PANX2: variants seen among roughly 807,000 people sequenced by gnomAD.
PANX2 encodes the protein pannexin 2, also known as pannexin-2.
A neutral mutation model predicts 38.7 loss-of-function variants in PANX2; 30 were observed. The observed-to-expected ratio is 0.78, with a 90% CI of 0.58 to 1.05. The LOEUF is 1.05. PANX2 is among the 50% of genes least tolerant of loss of function. The pLI is 0.00. For missense variants in PANX2, 880 were observed against 979.3 expected, an observed-to-expected ratio of 0.90 and a Z score of 1.35; for synonymous variants, 539 against 472.1, an observed-to-expected ratio of 1.14 and a Z score of -1.84.
intron 1 of PANX2, among the ~76,000 whole-genome samples, chr22:50,175,690 G>A (rs2063657584): frequency 1.3e-5 from 2 of 152,144 alleles, no homozygotes; most frequent in Admixed American, 1.3e-4. Flanking sequence ...TGACTCATGG[G>A]AACCCTCCCT....
intron 1 of PANX2, among the ~76,000 whole-genome samples, chr22:50,172,464 G>T (rs1457612610): frequency 6.6e-6 from 1 of 151,998 alleles, no homozygotes; most frequent in Non-Finnish European, 1.5e-5. Flanking sequence ...CAGAGTCTTG[G>T]TATGTCGCCC....
chr22:50,174,385 G>A (rs1369178358), intron 1 of PANX2, among the ~76,000 whole-genome samples: 1 of 152,194 alleles, frequency 6.6e-6, no homozygotes, highest in Non-Finnish European at 1.5e-5. Context: ...TCGGGTCCTG[G>A]GGACGGCATT....
chr22:50,175,355 A>G (rs2063656212), intron 1 of PANX2: 1 of 680,110 alleles, frequency 1.5e-6, no homozygotes, highest in East Asian at 8.3e-5. Flanking sequence ...TTGGCCACAC[A>G]TGCCCAGCAA....
chr22:50,178,979 C>G lies in PANX2; in HGVS notation c.1736C>G (p.Ala579Gly), dbSNP rs763029444. The change falls in exon 3 of 3, where the codon GCC (alanine) becomes GGC (glycine). Residue 579 changes from alanine to glycine, a missense_variant. Ala to Gly is a moderately conservative substitution (Grantham distance 60). Coordinates refer to ENST00000395842, the MANE Select transcript of PANX2 (RefSeq NM_052839.4). ...GAAATCCCGTACCCCACAGAGCCAG[C>G]CCGGGCAGGGCTTCCCTCGGGGGGC... ...EKEIPYPTEP[A>G]RAGLPSGGPF... 4.4e-6 allele frequency: 7 copies of G among 1,605,252 alleles called. No individual in the cohort carries two copies. Among genetic ancestry groups the G allele is most frequent in the Admixed American group, 3.4e-5 (2 of 59,374 alleles).
intron 2 of PANX2, 32 bp from the exon 3 acceptor site, chr22:50,178,902 T>C (rs1350934194): frequency 6.6e-7 from 1 of 1,514,358 alleles, no homozygotes; most frequent in Non-Finnish European, 8.9e-7. Context: ...CGGAGGATGG[T>C]GTGAGATGTC....
At position 50,178,195 on chromosome 22, in the gene PANX2, C is replaced by A; in HGVS notation, c.1483C>A (p.Pro495Thr). The A allele has an allele frequency of 6.9e-7, 1 of 1,455,878 alleles. No homozygotes were observed. The highest frequency in any genetic ancestry group is 9.0e-7 in the Non-Finnish European group (1 of 1,114,726). The allele number at this position is 1,455,878 out of a possible 1,614,324, so 90.2% of individuals were successfully genotyped here. A position where few individuals can be genotyped will look rare whatever the true frequency, so the allele number is the denominator to read the frequency against. ...CGGAGGGGGCGACCCGGGCCCCGGCCCCGCCCCTGCCCCCGCCCCGCCGCC... is the reference window on the plus strand; with the variant it reads ...CGGAGGGGGCGACCCGGGCCCCGGCACCGCCCCTGCCCCCGCCCCGCCGCC... The part of the protein sequence containing the change: ...KGGGGDPGPG[P>T]APAPAPPPAP... The change falls in exon 2 of 3, where the codon CCC (proline) becomes ACC (threonine). Residue 495 changes from proline to threonine, a missense_variant. By Grantham distance (38) the Pro-to-Thr change is conservative. This residue lies in a region of PANX2 where 445 missense variants were observed against 404.3 expected (regional missense o/e 1.10). Coordinates refer to ENST00000395842, the MANE Select transcript of PANX2 (RefSeq NM_052839.4).
At position 50,177,045 on chromosome 22, in the gene PANX2, C is replaced by A. The variant is rs1229760300; in HGVS notation, c.333C>A (p.Asp111Glu). The change falls in exon 2 of 3, where the codon GAC (aspartate) becomes GAA (glutamate). Residue 111 changes from aspartate to glutamate, a missense_variant. Physicochemically the swap from Asp to Glu is conservative, Grantham distance 45. Around this residue, in one of 4 missense-constraint regions of PANX2, gnomAD observed 243 missense variants for 333.1 expected, o/e 0.73. Transcript: ENST00000395842. ...TGCGGGACGCGCTGCCCGGCGTGGA[C>A]GCCAGCCTGTGGCCGTCGCTGTTTG... Reference protein sequence around the residue: ...TELRDALPGVDASLWPSLFEH... With the variant: ...TELRDALPGVEASLWPSLFEH... The A allele has an allele frequency of 6.2e-7, 1 of 1,608,300 alleles. No homozygotes were observed. Among genetic ancestry groups the A allele is most frequent in the Non-Finnish European group, 8.5e-7 (1 of 1,178,564 alleles).
Position 50,177,847 on chromosome 22 carries a change from G to A in PANX2, c.1135G>A (p.Val379Ile). Residue 379 changes from valine (V) to isoleucine (I), a missense_variant, in exon 2 of 3, where the codon GTC becomes ATC. Transcript: ENST00000395842. The part of the protein sequence containing the change: ...NESDLMYDNV[V>I]RQLLAALAQS... ...GAGCGACCTCATGTACGACAACGTG[G>A]TCCGGCAGCTGCTGGCGGCGCTGGC... 6.3e-7 allele frequency: 1 copy of A among 1,590,408 alleles called. No individual in the cohort carries two copies. The highest frequency in any genetic ancestry group is 8.5e-7 in the Non-Finnish European group (1 of 1,175,064).
chr22:50,176,210 C>A (rs2063660392), intron 1 of PANX2, among the ~76,000 whole-genome samples: 1 of 152,284 alleles, frequency 6.6e-6, no homozygotes, highest in South Asian at 2.1e-4. Context: ...GTCATTGTCA[C>A]CTGCAGGCAG....
Position 50,177,446 on chromosome 22 carries a change from T to C in PANX2, c.734T>C (p.Leu245Pro), listed in dbSNP as rs2063668447. 3 of 1,608,644 alleles carry C rather than the reference T, an allele frequency of 1.9e-6. No homozygotes were observed. The highest frequency in any genetic ancestry group is 2.5e-6 in the Non-Finnish European group (3 of 1,178,206). ...CTGAGCGCCGTGCCCATCTCCTACC[T>C]GTGCACCTACTACGCCACGCAGAAG... ...LLLSAVPISY[L>P]CTYYATQKQN... The change falls in exon 2 of 3, where the codon CTG (leucine) becomes CCG (proline). Residue 245 changes from leucine to proline, a missense_variant. Physicochemically the swap from Leu to Pro is moderately conservative, Grantham distance 98. This residue lies in a region of PANX2 where 114 missense variants were observed against 108.8 expected (regional missense o/e 1.05). Transcript: ENST00000395842.
chr22:50,172,671 C>T (rs2063638573), intron 1 of PANX2, among the ~76,000 whole-genome samples: 1 of 152,150 alleles, frequency 6.6e-6, no homozygotes, highest in Non-Finnish European at 1.5e-5. Flanking sequence ...TCCCAAAGTG[C>T]TGGGACTACA....
At position 50,179,309 on chromosome 22, in the gene PANX2, C is replaced by T. The variant is rs200460083; in HGVS notation, c.*32C>T. 196 of 1,583,408 alleles carry T rather than the reference C, an allele frequency of 1.2e-4. No homozygotes were observed. Among genetic ancestry groups the T allele is most frequent in the Admixed American group, 1.0e-4 (6 of 58,908 alleles). On this transcript the variant is annotated 3_prime_UTR_variant, in exon 3 of 3. Transcript: ENST00000395842. ...GCACCGTCCAGGCCGCCGAGAGCCC[C>T]TCTGCCTGTGTCGTGTGGCCTGGCC...
chr22:50,178,649 C>G (rs140328537), intron 2 of PANX2, among the ~76,000 whole-genome samples: 44 of 152,348 alleles, frequency 2.9e-4, no homozygotes, highest in Non-Finnish European at 6.0e-4. Flanking sequence ...GGGGAAGATG[C>G]AGGCTGGAAG....
chr22:50,176,027 G>C (rs554938410), intron 1 of PANX2, among the ~76,000 whole-genome samples: 10 of 152,336 alleles, frequency 6.6e-5, no homozygotes, highest in African/African-American at 2.4e-4. Context: ...GGCTGAGGCT[G>C]GTGTGGGCCT....
At chr22:50,174,730 C>G (rs545526621) in intron 1 of PANX2, among the ~76,000 whole-genome samples, 146 of 152,326 alleles carry the variant, frequency 9.6e-4, no homozygotes, top group African/African-American at 3.4e-3. Context: ...AGGAGGGCCT[C>G]GGACAGAGGA....
At position 50,179,419 on chromosome 22, in the gene PANX2, CTGGGGCCTTCGCCCCCACG is replaced by C; in HGVS notation, c.*145_*163del. 1.3e-6 allele frequency: 1 copy of C among 750,696 alleles called. No individual in the cohort carries two copies. Among genetic ancestry groups the C allele is most frequent in the South Asian group, 1.8e-5 (1 of 54,930 alleles). The allele number at this position is 750,696 out of a possible 1,614,324, so 46.5% of individuals were successfully genotyped here. A position where few individuals can be genotyped will look rare whatever the true frequency, so the allele number is the denominator to read the frequency against. On this transcript the variant is annotated 3_prime_UTR_variant, in exon 3 of 3. Coordinates refer to ENST00000395842, the MANE Select transcript of PANX2 (RefSeq NM_052839.4). ...GCATCCCCAACCTCTGTCCGCATGC[CTGGGGCCTTCGCCCCCACG>C]TGCTCGACAGGGGAACCCGCCCGGA...
In PANX2 at chr22:50,177,523, G is replaced by A; in HGVS notation, c.811G>A (p.Ala271Thr). The A allele has an allele frequency of 6.2e-7, 1 of 1,609,658 alleles. No homozygotes were observed. Among genetic ancestry groups the A allele is most frequent in the Non-Finnish European group, 8.5e-7 (1 of 1,178,438 alleles). Reference protein sequence around the residue: ...LGASPDGAAGAGPAVRVSCKL... With the variant: ...LGASPDGAAGTGPAVRVSCKL... ...CGCGTCCCCGGACGGGGCGGCAGGT[G>A]CGGGGCCCGCGGTGCGCGTGAGCTG... Residue 271 changes from alanine (A) to threonine (T), a missense_variant, in exon 2 of 3, where the codon GCG (alanine) becomes ACG (threonine). Coordinates refer to ENST00000395842, the MANE Select transcript of PANX2 (RefSeq NM_052839.4).
At chr22:50,172,797 C>T (rs565814720) in intron 1 of PANX2, among the ~76,000 whole-genome samples, 2 of 151,278 alleles carry the variant, frequency 1.3e-5, no homozygotes, top group South Asian at 2.1e-4. Context: ...GGTGCGATGT[C>T]GGCTCACTGC....
intron 1 of PANX2, among the ~76,000 whole-genome samples, chr22:50,176,040 G>A (rs753969043): frequency 2.6e-5 from 4 of 152,174 alleles, no homozygotes; most frequent in African/African-American, 4.8e-5. Context: ...GTGGGCCTCC[G>A]CGCCTGTGCT....
Sources: allele counts gnomAD v4.1 joint callset (sites outside exome capture counted in the v4.1 genomes callset), GRCh38; gene constraint gnomAD v4.1.1; regional missense constraint gnomAD v4.1.1; transcripts MANE v1.5; gene names NCBI Gene and HGNC (gene_info 2026-07-23, HGNC 2026-07-21).